The following GLMN variants were observed in gnomAD, a reference collection of about 807,000 sequenced individuals.
GLMN encodes the protein glomulin.
Under a neutral mutation model 87.8 loss-of-function variants are expected in GLMN, and 75 were observed. The ratio of observed to expected loss-of-function variants is 0.85; its 90% CI spans 0.71 to 1.04. The LOEUF (loss-of-function observed/expected upper bound fraction) is 1.04, where lower values mean the gene tolerates loss of function less well. GLMN is among the 50% of genes least tolerant of loss of function. GLMN has a pLI of 0.00. For missense variants in GLMN, 588 were observed against 658.8 expected (o/e 0.89, Z 1.18); for synonymous variants, 206 against 221.6 (o/e 0.93, Z 0.63).
the GLMN span, among the ~76,000 whole-genome samples, chr1:92,312,247 A>G: frequency 3.9e-5 from 6 of 152,102 alleles, no homozygotes; most frequent in Admixed American, 2.0e-4. Context: ...CATCTCTACA[A>G]AGTATTTAAA....
upstream of GLMN, among the ~76,000 whole-genome samples, chr1:92,302,068 G>T (rs1030456113): frequency 6.6e-6 from 1 of 152,236 alleles, no homozygotes; most frequent in East Asian, 1.9e-4. Context: ...ATCACTTGAG[G>T]TCAGGAGTTC....
At chr1:92,348,591 T>G in the GLMN span, among the ~76,000 whole-genome samples, 25 of 152,354 alleles carry the variant, frequency 1.6e-4, no homozygotes, top group African/African-American at 5.8e-4. Flanking sequence ...TATTATTTTC[T>G]TATTTCCTCT....
At chr1:92,272,794 C>T (rs928728327) in intron 7 of GLMN, among the ~76,000 whole-genome samples, 12 of 152,186 alleles carry the variant, frequency 7.9e-5, no homozygotes, top group Non-Finnish European at 1.6e-4. Flanking sequence ...GCTCAGGAAA[C>T]AAGATCACTC....
At chr1:92,322,493 G>A in the GLMN span, among the ~76,000 whole-genome samples, 2 of 151,648 alleles carry the variant, frequency 1.3e-5, no homozygotes, top group East Asian at 3.9e-4. Flanking sequence ...GCAGTGAACC[G>A]AGATCTTGCC....
intron 7 of GLMN, among the ~76,000 whole-genome samples, chr1:92,278,908 C>T (rs2100973411): frequency 6.6e-6 from 1 of 152,292 alleles, no homozygotes; most frequent in East Asian, 1.9e-4. Context: ...TTAGAACACC[C>T]TCTCATGGTC....
In GLMN at chr1:92,263,741, C is replaced by T. The variant is rs1425853174; in HGVS notation, c.1300-9G>A. ...TTGTTGTTACGTGTTCTCTGAAAAG[C>T]AAACGAAAAATTGAGAAAGCTTTAT... On this transcript the variant is annotated splice_polypyrimidine_tract_variant and intron_variant, in intron 14 of 18. Coordinates refer to ENST00000370360, the MANE Select transcript of GLMN (RefSeq NM_053274.3). 1.5e-6 allele frequency: 2 copies of T among 1,354,552 alleles called. No individual in the cohort carries two copies. The highest frequency in any genetic ancestry group is 1.7e-5 in the Admixed American group (1 of 59,696). 83.9% of individuals were successfully genotyped at this position (1,354,552 alleles called of 1,614,324 possible).
At chr1:92,276,179 T>C (rs930899854) in intron 7 of GLMN, among the ~76,000 whole-genome samples, 11 of 152,124 alleles carry the variant, frequency 7.2e-5, no homozygotes, top group Non-Finnish European at 1.2e-4. Flanking sequence ...TGAGCCATGG[T>C]TGTGCCACTG....
At chr1:92,333,464 TGAGTA>T in the GLMN span, 145 of 1,611,278 alleles carry the variant, frequency 9.0e-5, no homozygotes, top group Non-Finnish European at 1.2e-4. Flanking sequence ...CTTGAAAAGT[TGAGTA>T]AAGTGTAAGT....
intron 16 of GLMN, among the ~76,000 whole-genome samples, chr1:92,249,716 A>G (rs1478616431): frequency 6.6e-6 from 1 of 152,132 alleles, no homozygotes; most frequent in Admixed American, 6.6e-5. Flanking sequence ...CTATCAAGCA[A>G]TACAGCTTGT....
chr1:92,271,006 TAAAGCAATAA>T (rs574043777), intron 8 of GLMN, among the ~76,000 whole-genome samples: 1 of 152,278 alleles, frequency 6.6e-6, no homozygotes, highest in Non-Finnish European at 1.5e-5. Context: ...ACTTTATTCT[TAAAGCAATAA>T]AAAGCCACTG....
chr1:92,333,530 A>T, the GLMN span: 2 of 1,194,148 alleles, frequency 1.7e-6, no homozygotes, highest in African/African-American at 3.0e-5. Flanking sequence ...CTTGACATTT[A>T]AGCTCATAAT....
upstream of GLMN, among the ~76,000 whole-genome samples, chr1:92,302,242 A>C (rs1326952361): frequency 6.6e-6 from 1 of 151,868 alleles, no homozygotes; most frequent in African/African-American, 2.4e-5. Context: ...ACACCACTGC[A>C]CTCCAGTCTG....
the GLMN span, among the ~76,000 whole-genome samples, chr1:92,352,271 G>A: frequency 6.6e-6 from 1 of 152,144 alleles, no homozygotes; most frequent in African/African-American, 2.4e-5. Context: ...TGCAAGTCCT[G>A]GGAAATGGTA....
the GLMN span, among the ~76,000 whole-genome samples, chr1:92,357,452 G>A: frequency 6.6e-6 from 1 of 152,216 alleles, no homozygotes; most frequent in African/African-American, 2.4e-5. Flanking sequence ...ACAGATGAGA[G>A]TATTCTAGGA....
At chr1:92,306,496 C>A in the GLMN span, among the ~76,000 whole-genome samples, 1 of 152,104 alleles carries the variant, frequency 6.6e-6, no homozygotes, top group South Asian at 2.1e-4. Context: ...AATACTCTAA[C>A]AATGGAATGT....
chr1:92,299,025 C>G, upstream of GLMN: 1 of 1,122,004 alleles, frequency 8.9e-7, no homozygotes, highest in Non-Finnish European at 1.2e-6. Context: ...GGCGGGGCCT[C>G]GGGGCGAGAC....
At chr1:92,260,277 A>G (rs946774630) in intron 16 of GLMN, among the ~76,000 whole-genome samples, 4 of 152,150 alleles carry the variant, frequency 2.6e-5, no homozygotes, top group Non-Finnish European at 4.4e-5. Context: ...GCAATAATTT[A>G]GAATATTTGA....
At chr1:92,334,505 G>T in the GLMN span, among the ~76,000 whole-genome samples, 2 of 152,010 alleles carry the variant, frequency 1.3e-5, no homozygotes, top group East Asian at 3.9e-4. Context: ...ACAGTTAGGG[G>T]TCAAATGACA....
the GLMN span, chr1:92,320,579 T>C: frequency 6.2e-7 from 1 of 1,607,820 alleles, no homozygotes; most frequent in African/African-American, 1.3e-5. Context: ...CTAATTTTTA[T>C]TTCTGTGTTC....
Sources: gnomAD v4.1 joint callset for allele counts (sites outside exome capture counted in the v4.1 genomes callset) on GRCh38, gnomAD v4.1.1 for gene constraint, MANE v1.5 for transcripts, NCBI Gene and HGNC (gene_info 2026-07-23, HGNC 2026-07-21) for gene names.